The following DMD variants were observed in gnomAD, a reference collection of about 807,000 sequenced individuals.
The protein encoded by DMD is dystrophin, also known as mutant dystrophin.
Under a neutral mutation model 330.1 loss-of-function variants are expected in DMD, and 63 were observed. The observed-to-expected ratio is 0.19, with a 90% CI of 0.16 to 0.24. DMD has a LOEUF of 0.24. Among genes scored for constraint, DMD ranks in the 10% least tolerant of loss-of-function variants. The pLI, the probability that DMD is intolerant of heterozygous loss-of-function variation, is 1.00. For missense variants in DMD, 3,344 were observed against 2,684.1 expected, an observed-to-expected ratio of 1.25 and a Z score of -5.43; for synonymous variants, 1,223 against 959.8, an observed-to-expected ratio of 1.27 and a Z score of -5.07.
chrX:32,629,162 CTAA>C (rs982012800), intron 11 of DMD, among the ~76,000 whole-genome samples: 1 of 111,568 alleles, frequency 9.0e-6, no homozygotes, highest in African/African-American at 3.3e-5. Flanking sequence ...CTCTCTAACT[CTAA>C]TAATATTTGA....
intron 63 of DMD, among the ~76,000 whole-genome samples, chrX:31,237,110 T>A (rs896482635): frequency 1.8e-5 from 2 of 112,290 alleles, no homozygotes; most frequent in Admixed American, 9.4e-5. Context: ...CAAACTGACC[T>A]TCTTGCAAAA....
chrX:31,123,216 A>G (rs1390216373), intron 78 of DMD, among the ~76,000 whole-genome samples: 1 of 110,973 alleles, frequency 9.0e-6, no homozygotes, highest in African/African-American at 3.3e-5. Flanking sequence ...GATCAACTGA[A>G]GACTTACTTA....
intron 7 of DMD, among the ~76,000 whole-genome samples, chrX:32,721,673 C>T (rs1003894458): frequency 1.8e-5 from 2 of 110,420 alleles, no homozygotes; most frequent in Non-Finnish European, 3.8e-5. Context: ...TTTTGCTTTC[C>T]AGAAGCTTTT....
At chrX:32,920,052 ATTAAT>A (rs1358035863) in intron 2 of DMD, among the ~76,000 whole-genome samples, 1 of 111,707 alleles carries the variant, frequency 9.0e-6, no homozygotes, top group Non-Finnish European at 1.9e-5. Flanking sequence ...TTAGATCTCA[ATTAAT>A]TTAATTTGAT....
chrX:31,485,355 C>T (rs1004189965), intron 57 of DMD, among the ~76,000 whole-genome samples: 1 of 110,708 alleles, frequency 9.0e-6, no homozygotes, highest in Non-Finnish European at 1.9e-5. Flanking sequence ...CCACCACACC[C>T]TGCTAATTTT....
intron 17 of DMD, among the ~76,000 whole-genome samples, chrX:32,530,372 C>T (rs1270681635): frequency 3.6e-5 from 4 of 112,177 alleles, no homozygotes; most frequent in Non-Finnish European, 1.9e-5. Flanking sequence ...TAAAATATTG[C>T]TTCTCTGCAC....
chrX:31,480,790 A>G (rs148762558), intron 57 of DMD, among the ~76,000 whole-genome samples: 1,818 of 111,447 alleles, frequency 0.016, 28 homozygotes, highest in East Asian at 0.09. Context: ...AACTGGAAAT[A>G]CAAAGTTGAA....
intron 1 of DMD, among the ~76,000 whole-genome samples, chrX:33,160,252 G>A (rs757729008): frequency 9.0e-6 from 1 of 111,677 alleles, no homozygotes; most frequent in Non-Finnish European, 1.9e-5. Context: ...TCAAATTATG[G>A]TGGGTTTATT....
At chrX:31,315,881 G>A (rs962330218) in intron 62 of DMD, among the ~76,000 whole-genome samples, 1 of 112,131 alleles carries the variant, frequency 8.9e-6, no homozygotes, top group Non-Finnish European at 1.9e-5. Context: ...ACAATGCTCA[G>A]TGAAAAACAG....
chrX:32,380,744 C>A, intron 33 of DMD, 64 bp from the exon 34 acceptor site: 1 of 941,226 alleles, frequency 1.1e-6, no homozygotes, highest in Non-Finnish European at 1.5e-6. Flanking sequence ...GTTATAACCA[C>A]TTATTTGGAA....
intron 9 of DMD, among the ~76,000 whole-genome samples, chrX:32,647,085 C>T (rs2059828867): frequency 9.0e-6 from 1 of 111,337 alleles, no homozygotes; most frequent in Non-Finnish European, 1.9e-5. Flanking sequence ...GCAGGTGGAA[C>T]CAGCTTCACG....
chrX:32,612,964 A>G (rs1015997081), intron 12 of DMD, among the ~76,000 whole-genome samples: 1 of 111,470 alleles, frequency 9.0e-6, no homozygotes, highest in East Asian at 2.8e-4. Context: ...TTTGCATGGA[A>G]GAACTGTAAA....
At position 32,402,996 on chromosome X, in the gene DMD, T is replaced by C. The variant is rs763684511; in HGVS notation, c.4233+8756A>G. Among the ~76,000 whole-genome samples, 9 of 111,697 alleles carry C rather than the reference T, an allele frequency of 8.1e-5. No homozygotes were observed. In the South Asian group the frequency reaches 3.3e-3, roughly 41 times the overall value. On this transcript the variant is annotated intron_variant, in intron 30 of 78. Transcript: ENST00000357033. ...CACATACTTAGTGACTAAACCTCAGTGGAATTCAATAAATTTGCCAGCTAT... is the reference window on the plus strand; with the variant it reads ...CACATACTTAGTGACTAAACCTCAGCGGAATTCAATAAATTTGCCAGCTAT...
chrX:31,866,596 G>T (rs1255450963), intron 48 of DMD, among the ~76,000 whole-genome samples: 1 of 111,952 alleles, frequency 8.9e-6, no homozygotes, highest in Non-Finnish European at 1.9e-5. Flanking sequence ...ATGAAATACT[G>T]GTATATGACA....
chrX:32,276,817 G>A (rs1464606467), intron 43 of DMD, among the ~76,000 whole-genome samples: 1 of 110,641 alleles, frequency 9.0e-6, no homozygotes, highest in African/African-American at 3.3e-5. Context: ...CCTCTTGGGG[G>A]GCTAAGGCAC....
intron 2 of DMD, among the ~76,000 whole-genome samples, chrX:32,917,862 G>C (rs894403664): frequency 7.2e-5 from 8 of 110,865 alleles, no homozygotes; most frequent in Non-Finnish European, 1.1e-4. Flanking sequence ...GCCAGGATTT[G>C]CTCTGCCTGA....
chrX:32,493,448 G>C lies in DMD; in HGVS notation c.2381-1930C>G, dbSNP rs778031450. On this transcript the variant is annotated intron_variant, in intron 19 of 78. Transcript: ENST00000357033. ...TATATACATGGCTCCATATATCTAA[G>C]TATAAAAGAAGTCCGTGGCCTACAG... is the stretch of plus-strand genomic sequence containing the variant. Among the ~76,000 whole-genome samples the C allele has an allele frequency of 6.3e-5, 7 of 111,936 alleles. No individual in the cohort carries two copies. In the South Asian group the frequency reaches 1.5e-3, roughly 24 times the overall value.
intron 6 of DMD, among the ~76,000 whole-genome samples, chrX:32,815,101 T>A (rs2077627838): frequency 9.0e-6 from 1 of 111,007 alleles, no homozygotes; most frequent in Admixed American, 9.7e-5. Context: ...AATGCATGTC[T>A]GCCTCTGTTC....
intron 43 of DMD, among the ~76,000 whole-genome samples, chrX:32,258,496 A>C (rs2097308462): frequency 9.0e-6 from 1 of 111,349 alleles, no homozygotes; most frequent in Non-Finnish European, 1.9e-5. Context: ...AAAAAGAATG[A>C]GTTCATGTCC....
Sources: allele counts gnomAD v4.1 joint callset (sites outside exome capture counted in the v4.1 genomes callset), GRCh38; gene constraint gnomAD v4.1.1; transcripts MANE v1.5; gene names NCBI Gene and HGNC (gene_info 2026-07-23, HGNC 2026-07-21).